The following SEMA3A variants were observed in gnomAD, a reference collection of about 807,000 sequenced individuals.
SEMA3A encodes semaphorin-3A.
A neutral mutation model predicts 97.9 loss-of-function variants in SEMA3A; 29 were observed. The observed-to-expected ratio is 0.30, with a 90% CI of 0.22 to 0.40. SEMA3A has a LOEUF of 0.40. Ranked by LOEUF, SEMA3A falls within the 10% of genes least tolerant of loss-of-function variation. The probability of loss-of-function intolerance (pLI) is 1.00; values close to 1 mark genes in which losing one functional copy is unlikely to be tolerated. For missense variants in SEMA3A, 763 were observed against 951.3 expected (o/e 0.80, Z 2.60); for synonymous variants, 321 against 323.7 (o/e 0.99, Z 0.09).
intron 1 of SEMA3A, among the ~76,000 whole-genome samples, chr7:84,426,591 A>G (rs2116307598): frequency 6.6e-6 from 1 of 152,226 alleles, no homozygotes; most frequent in East Asian, 1.9e-4. Flanking sequence ...TTCTAGCATC[A>G]CATTTCTCTA....
chr7:84,126,789 T>A (rs1795812590), intron 3 of SEMA3A, among the ~76,000 whole-genome samples: 1 of 152,170 alleles, frequency 6.6e-6, no homozygotes, highest in Non-Finnish European at 1.5e-5. Context: ...ACTATTAGAG[T>A]TGTTTCTCAC....
chr7:84,015,084 C>G (rs537388403), intron 6 of SEMA3A, among the ~76,000 whole-genome samples: 1 of 152,292 alleles, frequency 6.6e-6, no homozygotes, highest in African/African-American at 2.4e-5. Flanking sequence ...CCAGAATGAA[C>G]CTCCGCTCTC....
intron 4 of SEMA3A, among the ~76,000 whole-genome samples, chr7:84,105,066 T>C (rs1319062816): frequency 1.3e-5 from 2 of 152,102 alleles, no homozygotes; most frequent in Non-Finnish European, 2.9e-5. Flanking sequence ...ATCTCGACTT[T>C]TCTCACTGAG....
At chr7:84,402,229 G>A (rs565142731) in intron 1 of SEMA3A, among the ~76,000 whole-genome samples, 12 of 152,150 alleles carry the variant, frequency 7.9e-5, no homozygotes, top group Admixed American at 2.0e-4. Flanking sequence ...TCGACACCAC[G>A]GCTGGGTATA....
At chr7:84,311,550 C>A (rs536091766) in intron 2 of SEMA3A, among the ~76,000 whole-genome samples, 1 of 151,864 alleles carries the variant, frequency 6.6e-6, no homozygotes, top group African/African-American at 2.4e-5. Flanking sequence ...GAAGAGAAGA[C>A]TAAAGATGAA....
intron 3 of SEMA3A, among the ~76,000 whole-genome samples, chr7:84,229,804 G>A (rs1989964): frequency 0.35 from 52,321 of 151,242 alleles, 10,210 homozygotes; most frequent in Non-Finnish European, 0.46. Context: ...CTTTTCTTTC[G>A]AGTCAACAAG....
chr7:84,156,630 G>C (rs1180440275), intron 1 of SEMA3A, among the ~76,000 whole-genome samples: 1 of 152,076 alleles, frequency 6.6e-6, no homozygotes, highest in African/African-American at 2.4e-5. Flanking sequence ...GGGAAAGTTT[G>C]TATGCATGCG....
At chr7:84,440,650 G>C (rs1225370511) in intron 1 of SEMA3A, among the ~76,000 whole-genome samples, 1 of 152,182 alleles carries the variant, frequency 6.6e-6, no homozygotes, top group African/African-American at 2.4e-5. Flanking sequence ...GGCACCAGCA[G>C]AGAAGTCTTG....
At chr7:84,254,523 G>T (rs898654825) in intron 3 of SEMA3A, among the ~76,000 whole-genome samples, 1 of 151,978 alleles carries the variant, frequency 6.6e-6, no homozygotes, top group Non-Finnish European at 1.5e-5. Flanking sequence ...AATTCCCTGA[G>T]AATTAAAATC....
At chr7:84,104,435 C>G (rs1287810168) in intron 4 of SEMA3A, among the ~76,000 whole-genome samples, 1 of 151,998 alleles carries the variant, frequency 6.6e-6, no homozygotes, top group African/African-American at 2.4e-5. Flanking sequence ...GGAAAAAAAG[C>G]TGTCAAGTAT....
At chr7:84,455,072 TA>T (rs1805655771) in intron 1 of SEMA3A, among the ~76,000 whole-genome samples, 2 of 152,062 alleles carry the variant, frequency 1.3e-5, no homozygotes, top group Non-Finnish European at 2.9e-5. Context: ...TATTACAAAT[TA>T]AGTAGATAGT....
At chr7:84,315,900 T>A (rs1801482607) in intron 2 of SEMA3A, among the ~76,000 whole-genome samples, 1 of 151,842 alleles carries the variant, frequency 6.6e-6, no homozygotes, top group Non-Finnish European at 1.5e-5. Context: ...CTTTTTCACA[T>A]TTTATGATTT....
At chr7:84,388,337 G>A (rs543184005) in intron 1 of SEMA3A, among the ~76,000 whole-genome samples, 1 of 151,840 alleles carries the variant, frequency 6.6e-6, no homozygotes, top group East Asian at 1.9e-4. Flanking sequence ...TTTAAAGAGG[G>A]GTGGAAATTG....
chr7:84,322,001 G>A (rs1431956774), intron 2 of SEMA3A, among the ~76,000 whole-genome samples: 8 of 151,232 alleles, frequency 5.3e-5, no homozygotes, highest in Non-Finnish European at 7.4e-5. Context: ...GGGAGGACTC[G>A]GAAAACTTAT....
chr7:84,315,342 A>G (rs1248823132), intron 2 of SEMA3A, among the ~76,000 whole-genome samples: 1 of 151,948 alleles, frequency 6.6e-6, no homozygotes, highest in Non-Finnish European at 1.5e-5. Flanking sequence ...AGGAAAGACC[A>G]CAATATATAA....
intron 1 of SEMA3A, among the ~76,000 whole-genome samples, chr7:84,423,696 C>G (rs1357239183): frequency 1.3e-5 from 2 of 151,806 alleles, no homozygotes; most frequent in African/African-American, 4.8e-5. Context: ...AACATTTTAC[C>G]TGTTTTGTTC....
intron 1 of SEMA3A, among the ~76,000 whole-genome samples, chr7:84,403,180 A>T (rs1469061510): frequency 6.6e-6 from 1 of 152,128 alleles, no homozygotes; most frequent in Non-Finnish European, 1.5e-5. Flanking sequence ...CACCTGGAAA[A>T]TCAGGTCACT....
chr7:84,008,051 A>G (rs959899210), intron 9 of SEMA3A, among the ~76,000 whole-genome samples: 1 of 152,212 alleles, frequency 6.6e-6, no homozygotes, highest in African/African-American at 2.4e-5. Context: ...GCTCTTTCTA[A>G]CACAGAAAAT....
At chr7:84,167,261 C>T (rs1797242519) in intron 1 of SEMA3A, among the ~76,000 whole-genome samples, 1 of 152,014 alleles carries the variant, frequency 6.6e-6, no homozygotes, top group Admixed American at 6.6e-5. Flanking sequence ...GAATAAAGCT[C>T]GAAGTCATAC....
Sources: allele counts gnomAD v4.1 joint callset (sites outside exome capture counted in the v4.1 genomes callset), GRCh38; gene constraint gnomAD v4.1.1; transcripts MANE v1.5; gene names NCBI Gene and HGNC (gene_info 2026-07-23, HGNC 2026-07-21).